The following BEND7 variants were observed in gnomAD, a reference collection of about 807,000 sequenced individuals.
BEND7 encodes BEN domain-containing protein 7.
A neutral mutation model predicts 50.9 loss-of-function variants in BEND7; 28 were observed. That is an observed-to-expected ratio of 0.55 (90% CI 0.41 to 0.75). The LOEUF is 0.75. Among genes scored for constraint, BEND7 ranks in the 30% least tolerant of loss-of-function variants. The pLI, the probability that BEND7 is intolerant of heterozygous loss-of-function variation, is 0.00. For synonymous variants in BEND7, 170 were observed against 183.9 expected (o/e 0.92, Z 0.61); for missense variants, 477 against 491.3 (o/e 0.97, Z 0.28).
chr10:13,521,907 CG>C (rs1382340953), intron 2 of BEND7, among the ~76,000 whole-genome samples: 2 of 152,136 alleles, frequency 1.3e-5, no homozygotes, highest in Non-Finnish European at 2.9e-5. Context: ...AGGAATTGTT[CG>C]AGTGTGTCCT....
At chr10:13,488,346 A>G (rs572499726) in intron 5 of BEND7, among the ~76,000 whole-genome samples, 142 of 152,238 alleles carry the variant, frequency 9.3e-4, no homozygotes, top group African/African-American at 3.3e-3. Flanking sequence ...AACTTAGGCC[A>G]TGTATATCTG....
At chr10:13,480,440 T>G (rs916225932) in intron 6 of BEND7, among the ~76,000 whole-genome samples, 1 of 151,952 alleles carries the variant, frequency 6.6e-6, no homozygotes, top group Non-Finnish European at 1.5e-5. Flanking sequence ...TAAGGTCACT[T>G]AGATTTAAAA....
intron 6 of BEND7, among the ~76,000 whole-genome samples, chr10:13,474,437 T>C (rs138747050): frequency 1.6e-4 from 25 of 151,988 alleles, no homozygotes; most frequent in East Asian, 1.4e-3. Flanking sequence ...GGGGCCGATA[T>C]CTGTCATCAC....
At chr10:13,450,804 T>C (rs943670016) in intron 7 of BEND7, among the ~76,000 whole-genome samples, 2 of 152,074 alleles carry the variant, frequency 1.3e-5, no homozygotes, top group Non-Finnish European at 2.9e-5. Flanking sequence ...AGGCTGTGGC[T>C]TGGGTCTCAT....
rs1838015235 is a variant in BEND7, at chr10:13,452,658, AC to A, written c.1064-1del. 6.3e-7 allele frequency: 1 copy of A among 1,579,866 alleles called. No homozygotes were observed. The highest frequency in any genetic ancestry group is 8.6e-7 in the Non-Finnish European group (1 of 1,164,510). On this transcript the variant is annotated splice_acceptor_variant, in intron 6 of 8. Coordinates refer to ENST00000466271, the MANE Select transcript of BEND7 (RefSeq NM_001369863.1). LOFTEE classifies it high-confidence loss of function. ...AGCTGTACAGTACTTTTCTGTGAAG[AC>A]TGAAAGAAAATGTAAAATATTGTTA...
At chr10:13,494,483 C>A (rs1323803004) in intron 4 of BEND7, among the ~76,000 whole-genome samples, 1 of 152,248 alleles carries the variant, frequency 6.6e-6, no homozygotes, top group African/African-American at 2.4e-5. Context: ...ACGAAGTGAA[C>A]TGACACCTCC....
rs1302247215 is a variant in BEND7, at chr10:13,492,663, T to C, written c.785A>G (p.Glu262Gly). Residue 262 changes from glutamate (E) to glycine (G), a missense_variant, in exon 5 of 9, where the codon GAG becomes GGG. Transcript: ENST00000466271. ...GCCGAATCCTAGAACGCGGCTCTCC[T>C]CCGGGGAGGTGTGCTCGGCTGCCTG... ...ALQAAEHTSP[E>G]ESRVLGFGIV... 4 of 1,614,124 alleles carry C rather than the reference T, an allele frequency of 2.5e-6. No individual in the cohort carries two copies. The highest frequency in any genetic ancestry group is 3.4e-6 in the Non-Finnish European group (4 of 1,180,020).
rs527476148 is a variant in BEND7, at chr10:13,450,748, C to T, written c.1183+1791G>A. On this transcript the variant is annotated intron_variant, in intron 7 of 8. Coordinates refer to ENST00000466271, the MANE Select transcript of BEND7 (RefSeq NM_001369863.1). ...TATTCTGATGTCTAAGGGGCAGGAG[C>T]GGGCAAGTGAGTGGGGACTCCTCGA... 6.0e-5 allele frequency among the ~76,000 whole-genome samples: 9 copies of T among 150,996 alleles called. No homozygotes were observed. In the South Asian group the frequency reaches 6.3e-4, roughly 11 times the overall value.
chr10:13,492,587 A>G, intron 5 of BEND7, 24 bp downstream of exon 5: 1 of 1,612,506 alleles, frequency 6.2e-7, no homozygotes, highest in Non-Finnish European at 8.5e-7. Context: ...CATTAGAGTC[A>G]GCAGCCAGAA....
chr10:13,492,918 T>A, intron 4 of BEND7, 42 bp from the exon 5 acceptor site: 3 of 1,573,306 alleles, frequency 1.9e-6, no homozygotes, highest in Non-Finnish European at 2.6e-6. Flanking sequence ...CACGTGTGTC[T>A]GACTTAGGAA....
At chr10:13,458,766 T>G (rs532045079) in intron 6 of BEND7, among the ~76,000 whole-genome samples, 54 of 151,820 alleles carry the variant, frequency 3.6e-4, no homozygotes, top group Middle Eastern at 3.4e-3. Flanking sequence ...TGGGGAGCAC[T>G]TGCAGCCAGG....
chr10:13,468,117 G>GCA (rs2074437680), intron 6 of BEND7, among the ~76,000 whole-genome samples: 1 of 152,168 alleles, frequency 6.6e-6, no homozygotes, highest in Admixed American at 6.5e-5. Context: ...GAGTGTCCCA[G>GCA]TGTGCGCAGT....
chr10:13,521,744 G>A (rs2079091515), intron 2 of BEND7, among the ~76,000 whole-genome samples: 1 of 152,206 alleles, frequency 6.6e-6, no homozygotes, highest in Non-Finnish European at 1.5e-5. Context: ...CAGCTCCCAA[G>A]CCTTTTGAAA....
At chr10:13,470,772 C>CT (rs899430253) in intron 6 of BEND7, among the ~76,000 whole-genome samples, 59 of 152,272 alleles carry the variant, frequency 3.9e-4, no homozygotes, top group African/African-American at 1.4e-3. Flanking sequence ...TCAGAAGCAA[C>CT]TTTAAGCAGC....
intron 6 of BEND7, among the ~76,000 whole-genome samples, chr10:13,475,092 T>TAC (rs1182652279): frequency 6.6e-6 from 1 of 152,174 alleles, no homozygotes; most frequent in African/African-American, 2.4e-5. Context: ...AGTAGAGAGC[T>TAC]ACACACAGAG....
In BEND7 at chr10:13,528,918, T is replaced by TCGGGGCGGCC. The variant is rs1244499453; in HGVS notation, c.-395_-386dup. ...GGCGGCGGCGGAGGCGGGGGGCGGCTCGGGGCGGCCGGCCCGCCTGGGCTC... is the reference window on the plus strand; with the variant it reads ...GGCGGCGGCGGAGGCGGGGGGCGGCTCGGGGCGGCCCGGGGCGGCCGGCCCGCCTGGGCTC... On this transcript the variant is annotated 5_prime_UTR_variant, in exon 1 of 9. Coordinates refer to ENST00000466271, the MANE Select transcript of BEND7 (RefSeq NM_001369863.1). 6.5e-5 allele frequency: 9 copies of TCGGGGCGGCC among 139,296 alleles called. No homozygotes were observed. The highest frequency in any genetic ancestry group is 2.4e-4 in the African/African-American group (9 of 38,144). 8.6% of individuals were successfully genotyped at this position (139,296 alleles called of 1,614,324 possible). A position where few individuals can be genotyped will look rare whatever the true frequency, so the allele number is the denominator to read the frequency against.
In BEND7 at chr10:13,512,778, T is replaced by C. The variant is rs182347756; in HGVS notation, c.146-12698A>G. On this transcript the variant is annotated intron_variant, in intron 2 of 8. Transcript: ENST00000466271. ...TGCTATTGCACAATTTCATTTTCAA[T>C]GTACATATTATTAATAATGATGACA... is the stretch of plus-strand genomic sequence containing the variant. Among the ~76,000 whole-genome samples the C allele has an allele frequency of 2.0e-5, 3 of 152,366 alleles. No individual in the cohort carries two copies. In the East Asian group the frequency reaches 5.8e-4, roughly 29 times the overall value.
intron 5 of BEND7, among the ~76,000 whole-genome samples, chr10:13,484,321 T>C (rs959712796): frequency 6.6e-6 from 1 of 152,230 alleles, no homozygotes; most frequent in African/African-American, 2.4e-5. Flanking sequence ...TTCTGAAACA[T>C]GAAGAAAAGA....
At position 13,517,793 on chromosome 10, in the gene BEND7, G is replaced by A. The variant is rs183569885; in HGVS notation, c.145+8345C>T. Reference sequence around the variant, plus strand: ...CAGAGGGGCAGCCCAAGTTGCACACGATACTCTCAGGAGCCGAAAGGCACC... The same window carrying A: ...CAGAGGGGCAGCCCAAGTTGCACACAATACTCTCAGGAGCCGAAAGGCACC... On this transcript the variant is annotated intron_variant, in intron 2 of 8. Transcript: ENST00000466271. Among the ~76,000 whole-genome samples, 689 of 152,262 alleles carry A rather than the reference G, an allele frequency of 4.5e-3. 12 individuals carry two copies. The highest frequency in any genetic ancestry group is 0.038 in the South Asian group (185 of 4,814).
Sources: allele counts gnomAD v4.1 joint callset (sites outside exome capture counted in the v4.1 genomes callset), GRCh38; gene constraint gnomAD v4.1.1; transcripts MANE v1.5; gene names NCBI Gene and HGNC (gene_info 2026-07-23, HGNC 2026-07-21).